The following ESR1 variants were observed in gnomAD, a reference collection of about 807,000 sequenced individuals.
ESR1 encodes estrogen receptor.
ESR1 carries 12 observed loss-of-function variants against 52.7 expected under a neutral mutation model. The ratio of observed to expected loss-of-function variants is 0.23; its 90% CI spans 0.15 to 0.37. The LOEUF is 0.37. Ranked by LOEUF, ESR1 falls within the 10% of genes least tolerant of loss-of-function variation. The pLI is 1.00. For synonymous variants in ESR1, 305 were observed against 316.8 expected (o/e 0.96, Z 0.39); for missense variants, 584 against 779.7 (o/e 0.75, Z 2.99).
intron 6 of ESR1, among the ~76,000 whole-genome samples, chr6:152,072,159 C>G (rs540216522): frequency 6.6e-6 from 1 of 152,218 alleles, no homozygotes; most frequent in African/African-American, 2.4e-5. Context: ...ATAAACATCT[C>G]CTTTTGAAAC....
intron 5 of ESR1, among the ~76,000 whole-genome samples, chr6:152,051,911 A>G (rs2046712671): frequency 6.6e-6 from 1 of 152,126 alleles, no homozygotes; most frequent in African/African-American, 2.4e-5. Flanking sequence ...GGTCATTACT[A>G]TATTCTTATC....
chr6:151,871,747 C>T (rs1389559440), intron 2 of ESR1, among the ~76,000 whole-genome samples: 1 of 152,180 alleles, frequency 6.6e-6, no homozygotes, highest in African/African-American at 2.4e-5. Context: ...TCCCCTTCCC[C>T]ACATCTCCTG....
At chr6:151,993,457 C>G (rs985871809) in intron 4 of ESR1, among the ~76,000 whole-genome samples, 12 of 152,116 alleles carry the variant, frequency 7.9e-5, no homozygotes, top group Middle Eastern at 3.2e-3. Context: ...AAAGTCACAG[C>G]TTTCTTACCA....
At chr6:152,078,927 G>A (rs574135479) in intron 6 of ESR1, among the ~76,000 whole-genome samples, 2 of 152,306 alleles carry the variant, frequency 1.3e-5, no homozygotes, top group South Asian at 2.1e-4. Context: ...GGGGAGGGGC[G>A]TCTGCCATTG....
chr6:151,829,766 A>T (rs1782087766), intron 1 of ESR1, among the ~76,000 whole-genome samples: 1 of 152,196 alleles, frequency 6.6e-6, no homozygotes, highest in Non-Finnish European at 1.5e-5. Flanking sequence ...CATTTTACAG[A>T]TGAAGAAACT....
At chr6:151,947,048 T>A (rs2035779900) in intron 4 of ESR1, among the ~76,000 whole-genome samples, 1 of 152,254 alleles carries the variant, frequency 6.6e-6, no homozygotes, top group Admixed American at 6.5e-5. Flanking sequence ...CCGGGCACAG[T>A]GGCTCATGCC....
chr6:151,988,618 C>T (rs1050236354), intron 4 of ESR1, among the ~76,000 whole-genome samples: 2 of 152,000 alleles, frequency 1.3e-5, no homozygotes, highest in Non-Finnish European at 2.9e-5. Context: ...ATATTAATAA[C>T]TAATGTGTAC....
At chr6:152,090,349 CA>C (rs1662458591) in intron 6 of ESR1, among the ~76,000 whole-genome samples, 1 of 152,182 alleles carries the variant, frequency 6.6e-6, no homozygotes, top group African/African-American at 2.4e-5. Flanking sequence ...TGTTTTTGAT[CA>C]AGATGCGATA....
chr6:152,081,321 T>C (rs2049192715), intron 6 of ESR1, among the ~76,000 whole-genome samples: 1 of 152,064 alleles, frequency 6.6e-6, no homozygotes, highest in Non-Finnish European at 1.5e-5. Flanking sequence ...ATTAAGAAAC[T>C]GACTCAAATC....
chr6:151,666,227 G>A (rs1777817555), intron 1 of ESR1, among the ~76,000 whole-genome samples: 1 of 152,218 alleles, frequency 6.6e-6, no homozygotes, highest in Non-Finnish European at 1.5e-5. Flanking sequence ...TCCATGCCCA[G>A]AGGAGTGCAG....
chr6:151,757,251 A>C (rs1236591791), intron 2 of ESR1, among the ~76,000 whole-genome samples: 1 of 152,060 alleles, frequency 6.6e-6, no homozygotes, highest in Non-Finnish European at 1.5e-5. Context: ...AAAAAAAAGA[A>C]AACATTTAAA....
At chr6:151,666,782 T>G (rs1363810411) in intron 1 of ESR1, among the ~76,000 whole-genome samples, 1 of 142,414 alleles carries the variant, frequency 7.0e-6, no homozygotes, top group Non-Finnish European at 1.5e-5. Flanking sequence ...GCAGAACGAA[T>G]GAAGGCATGC....
intron 2 of ESR1, among the ~76,000 whole-genome samples, chr6:151,792,365 T>C (rs1776246321): frequency 6.6e-6 from 1 of 152,136 alleles, no homozygotes; most frequent in South Asian, 2.1e-4. Flanking sequence ...ATACACTAAA[T>C]TTATTAAAAA....
intron 2 of ESR1, among the ~76,000 whole-genome samples, chr6:151,764,412 G>C (rs1384266439): frequency 6.6e-6 from 1 of 152,196 alleles, no homozygotes; most frequent in African/African-American, 2.4e-5. Context: ...TTACTTTGGA[G>C]AAGGACTGCC....
At chr6:151,753,253 T>C (rs1024307381) in intron 2 of ESR1, among the ~76,000 whole-genome samples, 1 of 151,970 alleles carries the variant, frequency 6.6e-6, no homozygotes, top group Non-Finnish European at 1.5e-5. Context: ...AATTTCTATA[T>C]ACACAAACCA....
chr6:151,906,533 A>G (rs919425926), intron 3 of ESR1, among the ~76,000 whole-genome samples: 4 of 151,748 alleles, frequency 2.6e-5, no homozygotes, highest in African/African-American at 7.3e-5. Flanking sequence ...TGATCCCTTA[A>G]TAAGACATAT....
chr6:152,118,010 T>C (rs1417495629), intron 6 of ESR1, among the ~76,000 whole-genome samples: 1 of 152,198 alleles, frequency 6.6e-6, no homozygotes, highest in Admixed American at 6.5e-5. Flanking sequence ...CTCAGTGTTA[T>C]ACCTAAGTGA....
chr6:151,786,056 C>T (rs1371079014), intron 2 of ESR1, among the ~76,000 whole-genome samples: 7 of 152,146 alleles, frequency 4.6e-5, no homozygotes, highest in African/African-American at 7.2e-5. Context: ...GACTGAACCC[C>T]ATTAAACCAG....
At chr6:151,794,015 G>C (rs1776454056) in intron 2 of ESR1, among the ~76,000 whole-genome samples, 1 of 152,208 alleles carries the variant, frequency 6.6e-6, no homozygotes, top group Non-Finnish European at 1.5e-5. Flanking sequence ...TCTCTTCACT[G>C]TGTTCTAAAA....
Sources: allele counts gnomAD v4.1 joint callset (sites outside exome capture counted in the v4.1 genomes callset), GRCh38; gene constraint gnomAD v4.1.1; transcripts MANE v1.5; gene names NCBI Gene and HGNC (gene_info 2026-07-23, HGNC 2026-07-21).